The following ENPEP variants were observed in gnomAD, a reference collection of about 807,000 sequenced individuals.
ENPEP encodes AP-A.
Under a neutral mutation model 114.5 loss-of-function variants are expected in ENPEP, and 103 were observed. The ratio of observed to expected loss-of-function variants is 0.90; its 90% CI spans 0.77 to 1.06. The LOEUF is 1.06. Among genes scored for constraint, ENPEP ranks in the 50% least tolerant of loss-of-function variants. The pLI is 0.00. For missense variants in ENPEP, 1,196 were observed against 1,161.3 expected, an observed-to-expected ratio of 1.03 and a Z score of -0.43; for synonymous variants, 420 against 422.0, an observed-to-expected ratio of 1.00 and a Z score of 0.06.
chr4:110,551,987 G>C (rs1727307699), intron 17 of ENPEP, among the ~76,000 whole-genome samples: 1 of 152,142 alleles, frequency 6.6e-6, no homozygotes, highest in African/African-American at 2.4e-5. Context: ...CTGTCATCCA[G>C]AGATGAAAGC....
chr4:110,546,273 C>T (rs1350403450), intron 13 of ENPEP, among the ~76,000 whole-genome samples: 1 of 151,960 alleles, frequency 6.6e-6, no homozygotes, highest in Admixed American at 6.6e-5. Context: ...AGGACTTAGT[C>T]TTGGGGCCTT....
At chr4:110,525,344 A>AGCC (rs1189067895) in intron 10 of ENPEP, among the ~76,000 whole-genome samples, 7 of 152,178 alleles carry the variant, frequency 4.6e-5, no homozygotes, top group African/African-American at 1.7e-4. Flanking sequence ...TACCCAGCTG[A>AGCC]GCCCCTCCTA....
chr4:110,563,911 T>C lies in ENPEP; in HGVS notation c.*2353T>C, dbSNP rs1435280888. ...ATACCTGGGTTGAAGGTAATGATACTCCTACAGCTTACCCTCCAAGTTGGT... is the reference window on the plus strand; with the variant it reads ...ATACCTGGGTTGAAGGTAATGATACCCCTACAGCTTACCCTCCAAGTTGGT... On this transcript the variant is annotated 3_prime_UTR_variant, in exon 20 of 20. Coordinates refer to ENST00000265162, the MANE Select transcript of ENPEP (RefSeq NM_001977.4). 1 of 152,086 alleles carries C rather than the reference T, an allele frequency of 6.6e-6. No individual in the cohort carries two copies. The highest frequency in any genetic ancestry group is 6.6e-5 in the Admixed American group (1 of 15,256). 9.4% of individuals were successfully genotyped at this position (152,086 alleles called of 1,614,324 possible).
At chr4:110,531,401 T>G (rs1234487833) in intron 11 of ENPEP, 124 bp downstream of exon 11, 1 of 691,554 alleles carries the variant, frequency 1.4e-6, no homozygotes, top group African/African-American at 1.9e-5. Flanking sequence ...ATCTCTTAAA[T>G]AATTTATTGA....
chr4:110,529,305 T>A (rs908839968), intron 10 of ENPEP, among the ~76,000 whole-genome samples: 2 of 152,160 alleles, frequency 1.3e-5, no homozygotes, highest in East Asian at 3.9e-4. Flanking sequence ...AAGTGAGGTA[T>A]ATAGGTAAGA....
Position 110,542,816 on chromosome 4 carries a change from G to A in ENPEP, c.1873G>A (p.Gly625Arg). 6.2e-7 allele frequency: 1 copy of A among 1,613,046 alleles called. No homozygotes were observed. The highest frequency in any genetic ancestry group is 8.5e-7 in the Non-Finnish European group (1 of 1,179,344). The change falls in exon 12 of 20, where the codon GGG (glycine) becomes AGG (arginine). Residue 625 changes from glycine to arginine, a missense_variant. Gly to Arg is a moderately radical substitution (Grantham distance 125). Coordinates refer to ENST00000265162, the MANE Select transcript of ENPEP (RefSeq NM_001977.4). ...AFLKINPDHI[G>R]FYRVNYEVAT... is the part of the protein sequence containing the mutation. ...TCTCAAAATAAACCCAGATCATATT[G>A]GGTTTTATCGTGTAAATTATGAAGT...
chr4:110,483,751 C>T (rs1724401026), intron 1 of ENPEP, among the ~76,000 whole-genome samples: 1 of 152,222 alleles, frequency 6.6e-6, no homozygotes, highest in Non-Finnish European at 1.5e-5. Context: ...ACAAGTCACT[C>T]CTGAACATAT....
At chr4:110,509,578 AACTT>A in intron 4 of ENPEP, 71 bp from the exon 5 acceptor site, 1 of 1,502,928 alleles carries the variant, frequency 6.7e-7, no homozygotes, top group Non-Finnish European at 8.9e-7. Flanking sequence ...TCATCCAAAT[AACTT>A]AATTTGGTAA....
chr4:110,484,675 G>C (rs1236849212), intron 1 of ENPEP, among the ~76,000 whole-genome samples: 1 of 150,328 alleles, frequency 6.7e-6, no homozygotes, highest in African/African-American at 2.4e-5. Context: ...CTTTTAAAGA[G>C]AGAAGGTGAG....
Position 110,549,626 on chromosome 4 carries a change from C to A in ENPEP, c.2324C>A (p.Thr775Asn). 6.2e-7 allele frequency: 1 copy of A among 1,613,448 alleles called. No individual in the cohort carries two copies. Among genetic ancestry groups the A allele is most frequent in the Non-Finnish European group, 8.5e-7 (1 of 1,179,600 alleles). ...TTATTTGAGCAGTGGCTAAATGGGACTGTAAGGTGATTACTCACATTGTTA... is the reference window on the plus strand; with the variant it reads ...TTATTTGAGCAGTGGCTAAATGGGAATGTAAGGTGATTACTCACATTGTTA... ...SSLFEQWLNG[T>N]VSLPVNLRLL... The change falls in exon 16 of 20, where the codon ACT becomes AAT. Residue 775 changes from threonine to asparagine, a missense_variant. Transcript: ENST00000265162.
chr4:110,522,423 C>T (rs1211551537), intron 10 of ENPEP, among the ~76,000 whole-genome samples: 1 of 152,086 alleles, frequency 6.6e-6, no homozygotes, highest in Admixed American at 6.6e-5. Context: ...TCTCATGATC[C>T]ATGCACATTG....
intron 11 of ENPEP, among the ~76,000 whole-genome samples, chr4:110,534,628 C>G (rs1726544225): frequency 6.6e-6 from 1 of 150,624 alleles, no homozygotes; most frequent in Admixed American, 6.6e-5. Context: ...CTGCCTCAGC[C>G]TCCCATGTAG....
intron 2 of ENPEP, among the ~76,000 whole-genome samples, chr4:110,489,107 A>T (rs970597596): frequency 3.3e-5 from 5 of 152,138 alleles, no homozygotes; most frequent in Non-Finnish European, 5.9e-5. Context: ...GCTACTATTT[A>T]AAAAAATCAT....
At chr4:110,502,069 C>T (rs765100049) in intron 3 of ENPEP, among the ~76,000 whole-genome samples, 1 of 152,128 alleles carries the variant, frequency 6.6e-6, no homozygotes, top group Non-Finnish European at 1.5e-5. Context: ...GCTTGTGGGC[C>T]ATATGTGAAA....
In ENPEP at chr4:110,553,584, A is replaced by T. The variant is rs897138956; in HGVS notation, c.2642+129A>T. 2.1e-5 allele frequency: 19 copies of T among 891,632 alleles called. No individual in the cohort carries two copies. In the African/African-American group the frequency reaches 2.9e-4, roughly 14 times the overall value. 55.2% of individuals were successfully genotyped at this position (891,632 alleles called of 1,614,324 possible). On this transcript the variant is annotated intron_variant, in intron 18 of 19. Coordinates refer to ENST00000265162, the MANE Select transcript of ENPEP (RefSeq NM_001977.4). Reference sequence around the variant, plus strand: ...AAAATGGCATTATTAGAGGTAAAGGATCATGGTATTATCCTTCCAGGGAAG... The same window carrying T: ...AAAATGGCATTATTAGAGGTAAAGGTTCATGGTATTATCCTTCCAGGGAAG...
At chr4:110,482,470 A>G (rs2110331857) in intron 1 of ENPEP, among the ~76,000 whole-genome samples, 1 of 152,320 alleles carries the variant, frequency 6.6e-6, no homozygotes, top group South Asian at 2.1e-4. Flanking sequence ...AGGCACTTGC[A>G]TAAGTATGTC....
intron 17 of ENPEP, among the ~76,000 whole-genome samples, chr4:110,552,697 G>C (rs939064813): frequency 2.6e-5 from 4 of 152,020 alleles, no homozygotes; most frequent in Admixed American, 2.6e-4. Flanking sequence ...GTAAGATCTT[G>C]GGCTAGAAAC....
chr4:110,528,426 A>G (rs1020883273), intron 10 of ENPEP, among the ~76,000 whole-genome samples: 1 of 152,200 alleles, frequency 6.6e-6, no homozygotes, highest in African/African-American at 2.4e-5. Flanking sequence ...CCTAACTTCC[A>G]TCTACTTTCT....
At chr4:110,491,718 CTTTTTTTTT>C (rs970695793) in intron 3 of ENPEP, among the ~76,000 whole-genome samples, 2 of 66,060 alleles carry the variant, frequency 3.0e-5, no homozygotes, top group Non-Finnish European at 7.0e-5. Context: ...TTCTTTCTTT[CTTTTTTTTT>C]TTTTTTTTTT....
Sources: allele counts gnomAD v4.1 joint callset (sites outside exome capture counted in the v4.1 genomes callset), GRCh38; gene constraint gnomAD v4.1.1; transcripts MANE v1.5; gene names NCBI Gene and HGNC (gene_info 2026-07-23, HGNC 2026-07-21).